ZBED6: variants seen among roughly 807,000 people sequenced by gnomAD.
ZBED6 encodes the protein zinc finger BED-type containing 6.
A neutral mutation model predicts 58.4 loss-of-function variants in ZBED6; 40 were observed. The ratio of observed to expected loss-of-function variants is 0.68; its 90% confidence interval spans 0.53 to 0.89. The LOEUF (loss-of-function observed/expected upper bound fraction) is 0.89. Among genes scored for constraint, ZBED6 ranks in the 40% least tolerant of loss-of-function variants. The probability of loss-of-function intolerance (pLI) is 0.00; values close to 1 mark genes in which losing one functional copy is unlikely to be tolerated. For synonymous variants in ZBED6, 439 were observed against 350.6 expected (o/e 1.25, Z -2.82); for missense variants, 1,057 against 1,003.9 (o/e 1.05, Z -0.71).
At chr1:203,852,119 A>G in intron 16 of ZBED6, 22 bp from the exon 17 acceptor site, 1 of 1,612,818 alleles carries the variant, frequency 6.2e-7, no homozygotes, top group South Asian at 1.1e-5. Context: ...GCAGTTTTCT[A>G]ATAATCTTTT....
chr1:203,838,148 C>T, intron 10 of ZBED6, 84 bp downstream of exon 10: 1 of 1,280,600 alleles, frequency 7.8e-7, no homozygotes, highest in Non-Finnish European at 1.1e-6. Context: ...GTTTTTCATT[C>T]TTTTGTTCAG....
intron 11 of ZBED6, among the ~76,000 whole-genome samples, chr1:203,841,272 C>T (rs927137114): frequency 2.0e-5 from 3 of 151,308 alleles, no homozygotes; most frequent in Non-Finnish European, 4.4e-5. Flanking sequence ...GAACAAGGGT[C>T]TGTGGTTTTC....
intron 4 of ZBED6, 106 bp downstream of exon 4, chr1:203,828,528 C>A: frequency 1.5e-6 from 2 of 1,352,110 alleles, no homozygotes; most frequent in South Asian, 1.4e-5. Flanking sequence ...TGTGAAACAG[C>A]AGAATTATTT....
exon 1 of ZBED6, chr1:203,802,901 T>G (rs1558092606): frequency 6.6e-6 from 1 of 152,436 alleles, no homozygotes; most frequent in Non-Finnish European, 1.5e-5. Flanking sequence ...GAGGAGGAAA[T>G]TTTTTTCTGC....
intron 11 of ZBED6, 67 bp downstream of exon 11, chr1:203,840,441 C>G (rs1338972663): frequency 1.4e-6 from 2 of 1,481,292 alleles, no homozygotes; most frequent in African/African-American, 1.4e-5. Context: ...TGCTTTTTCT[C>G]AGATTTACCT....
Position 203,797,709 on chromosome 1 carries a change from AAAAG to A in ZBED6, c.194_197del (p.Lys65ArgfsTer14), listed in dbSNP as rs1669053840. ...AGAGGCAAAACAGCCTGCTAAAAAG[AAAAG>A]AAAGAAGGGTTTGCGAATTAAGGGG... On this transcript the variant is annotated frameshift_variant, in exon 1 of 17. Coordinates refer to ENST00000550078, the Ensembl canonical transcript of ZBED6. LOFTEE classifies it high-confidence loss of function. 1.3e-6 allele frequency: 2 copies of A among 1,534,966 alleles called. No homozygotes were observed. The highest frequency in any genetic ancestry group is 1.7e-6 in the Non-Finnish European group (2 of 1,146,706).
At chr1:203,817,617 T>C (rs1450132655) in intron 2 of ZBED6, among the ~76,000 whole-genome samples, 1 of 152,132 alleles carries the variant, frequency 6.6e-6, no homozygotes, top group Non-Finnish European at 1.5e-5. Context: ...TGGCTTAATC[T>C]TTGTCAAAAC....
At chr1:203,804,151 TG>T (rs66529830) in intron 1 of ZBED6, among the ~76,000 whole-genome samples, 18,427 of 142,414 alleles carry the variant, frequency 0.13, 1,481 homozygotes, top group African/African-American at 0.15. Context: ...CCTGTATATG[TG>T]TTTTTTTTTT....
At chr1:203,847,940 C>T (rs1688326661) in intron 12 of ZBED6, among the ~76,000 whole-genome samples, 1 of 152,172 alleles carries the variant, frequency 6.6e-6, no homozygotes, top group South Asian at 2.1e-4. Flanking sequence ...ACTGTAGCCT[C>T]CACCTCCTAG....
chr1:203,803,578 T>C (rs1430111005), intron 1 of ZBED6, among the ~76,000 whole-genome samples: 1 of 152,188 alleles, frequency 6.6e-6, no homozygotes, highest in African/African-American at 2.4e-5. Flanking sequence ...TTCCTGTAAT[T>C]CCATCTCCTT....
intron 6 of ZBED6, 91 bp downstream of exon 6, chr1:203,829,987 C>A: frequency 7.2e-7 from 1 of 1,382,734 alleles, no homozygotes; most frequent in Non-Finnish European, 1.0e-6. Context: ...TCTTCTTTTT[C>A]CCATGCTACA....
exon 1 of ZBED6, chr1:203,798,793 C>T (rs1669554295): frequency 6.5e-7 from 1 of 1,536,030 alleles, no homozygotes; most frequent in African/African-American, 1.4e-5. Context: ...GATATGCATC[C>T]TTACAACTAT....
exon 12 of ZBED6, chr1:203,847,514 A>G (rs1417145734): frequency 1.9e-6 from 3 of 1,613,972 alleles, no homozygotes; most frequent in Non-Finnish European, 2.5e-6. Flanking sequence ...CAATCAGAGG[A>G]GCCTGCAGGT....
intron 1 of ZBED6, chr1:203,806,074 A>C (rs565607866): frequency 2.0e-6 from 1 of 509,630 alleles, no homozygotes; most frequent in Non-Finnish European, 3.9e-6. Context: ...TAAAACTCGC[A>C]AGGCTTTCTG....
At chr1:203,831,534 G>A in intron 7 of ZBED6, 127 bp from the exon 8 acceptor site, 1 of 706,724 alleles carries the variant, frequency 1.4e-6, no homozygotes, top group South Asian at 1.8e-5. Context: ...ATACAGAAAG[G>A]CTGATTGGCT....
intron 12 of ZBED6, 67 bp downstream of exon 12, chr1:203,847,754 A>G (rs908687387): frequency 6.4e-6 from 10 of 1,552,504 alleles, no homozygotes; most frequent in Non-Finnish European, 8.7e-6. Flanking sequence ...GTTCCGTGGG[A>G]TCTTCCTAGG....
exon 7 of ZBED6, chr1:203,830,129 G>A: frequency 6.3e-7 from 1 of 1,592,064 alleles, no homozygotes; most frequent in Non-Finnish European, 8.5e-7. Flanking sequence ...TCAGGTGAAT[G>A]TTTGAATTTT....
chr1:203,842,701 T>A (rs1019024929), intron 11 of ZBED6, among the ~76,000 whole-genome samples: 3 of 151,256 alleles, frequency 2.0e-5, no homozygotes, highest in Non-Finnish European at 4.4e-5. Flanking sequence ...TGTATGAGAT[T>A]ATTCTAATTT....
intron 1 of ZBED6, among the ~76,000 whole-genome samples, chr1:203,811,710 A>T (rs1204968158): frequency 3.3e-5 from 5 of 152,060 alleles, no homozygotes; most frequent in African/African-American, 1.2e-4. Flanking sequence ...GGATTTTGCC[A>T]TGTTGGCCAG....
Sources: allele counts gnomAD v4.1 joint callset (sites outside exome capture counted in the v4.1 genomes callset), GRCh38; gene constraint gnomAD v4.1.1; transcripts MANE v1.5; gene names NCBI Gene and HGNC (gene_info 2026-07-23, HGNC 2026-07-21).